The following COLQ variants were observed in gnomAD, a reference collection of about 807,000 sequenced individuals.
The protein encoded by COLQ is collagen like tail subunit of asymmetric acetylcholinesterase.
A neutral mutation model predicts 69.0 loss-of-function variants in COLQ; 48 were observed. The observed-to-expected ratio is 0.70, with a 90% CI of 0.55 to 0.88. COLQ has a LOEUF of 0.88. Ranked by LOEUF, COLQ falls within the 40% of genes least tolerant of loss-of-function variation. The probability of loss-of-function intolerance (pLI) is 0.00; values close to 1 mark genes in which losing one functional copy is unlikely to be tolerated. For missense variants in COLQ, 618 were observed against 594.6 expected, an observed-to-expected ratio of 1.04 and a Z score of -0.41; for synonymous variants, 217 against 211.2, an observed-to-expected ratio of 1.03 and a Z score of -0.24.
chr3:15,519,446 T>G (rs1327840930), intron 1 of COLQ, among the ~76,000 whole-genome samples: 1 of 152,232 alleles, frequency 6.6e-6, no homozygotes, highest in Non-Finnish European at 1.5e-5. Flanking sequence ...CCATGACCAA[T>G]GCTCTTGCTT....
At chr3:15,493,009 C>T (rs952464636) in intron 1 of COLQ, among the ~76,000 whole-genome samples, 2 of 152,202 alleles carry the variant, frequency 1.3e-5, no homozygotes, top group Non-Finnish European at 1.5e-5. Flanking sequence ...TACAAGTTAA[C>T]GAGGGACTGA....
intron 12 of COLQ, among the ~76,000 whole-genome samples, chr3:15,464,148 G>A (rs1013758044): frequency 5.9e-5 from 9 of 152,180 alleles, no homozygotes; most frequent in Non-Finnish European, 1.3e-4. Context: ...AGGGGTCAGG[G>A]ATGGAAGAGG....
chr3:15,486,394 G>A (rs2062575356), intron 3 of COLQ, among the ~76,000 whole-genome samples: 1 of 152,188 alleles, frequency 6.6e-6, no homozygotes, highest in Non-Finnish European at 1.5e-5. Flanking sequence ...CTCACTTTGA[G>A]TAGGGACAGC....
chr3:15,480,505 A>G (rs978368627), intron 3 of COLQ, among the ~76,000 whole-genome samples: 4 of 152,230 alleles, frequency 2.6e-5, no homozygotes, highest in Non-Finnish European at 4.4e-5. Flanking sequence ...TACAAAGGAC[A>G]TAAACTCATC....
chr3:15,501,561 G>C (rs2062831316), intron 1 of COLQ, among the ~76,000 whole-genome samples: 1 of 152,226 alleles, frequency 6.6e-6, no homozygotes, highest in South Asian at 2.1e-4. Context: ...TAGGTAGGAA[G>C]ACCTGAGTTC....
chr3:15,520,812 C>G (rs1298136592), intron 1 of COLQ, among the ~76,000 whole-genome samples: 2 of 152,210 alleles, frequency 1.3e-5, no homozygotes, highest in African/African-American at 4.8e-5. Flanking sequence ...CCAAATCTCC[C>G]AGCCTCATAC....
intron 1 of COLQ, among the ~76,000 whole-genome samples, chr3:15,493,652 T>TG (rs2062703933): frequency 6.6e-6 from 1 of 152,234 alleles, no homozygotes; most frequent in African/African-American, 2.4e-5. Flanking sequence ...TGACAGGTCA[T>TG]GGGGGCAGCT....
intron 11 of COLQ, among the ~76,000 whole-genome samples, chr3:15,466,706 C>T (rs149118785): frequency 7.7e-4 from 117 of 152,316 alleles, no homozygotes; most frequent in African/African-American, 2.6e-3. Flanking sequence ...CTACTCTAGG[C>T]CCTGGGCAGA....
intron 14 of COLQ, 148 bp from the exon 15 acceptor site, chr3:15,456,167 G>T (rs2062022307): frequency 1.6e-5 from 16 of 1,027,218 alleles, no homozygotes; most frequent in Non-Finnish European, 2.1e-5. Context: ...CTTTCCTGTT[G>T]CCCAGAGCTC....
chr3:15,465,955 A>C (rs2062193832), intron 12 of COLQ, among the ~76,000 whole-genome samples: 1 of 152,160 alleles, frequency 6.6e-6, no homozygotes, highest in African/African-American at 2.4e-5. Flanking sequence ...TAACACTGTA[A>C]ATTGGAAAAA....
chr3:15,451,739 A>G, intron 16 of COLQ, 26 bp from the exon 17 acceptor site: 1 of 1,599,118 alleles, frequency 6.3e-7, no homozygotes. Context: ...ACACGTTCTA[A>G]AAGGCCACCT....
At chr3:15,517,359 C>T (rs970050432) in intron 1 of COLQ, among the ~76,000 whole-genome samples, 2 of 152,192 alleles carry the variant, frequency 1.3e-5, no homozygotes, top group African/African-American at 4.8e-5. Flanking sequence ...CCTTTCTGAG[C>T]TGCCATTTCC....
intron 5 of COLQ, chr3:15,478,723 G>A: frequency 8.4e-6 from 5 of 594,314 alleles, no homozygotes; most frequent in Non-Finnish European, 1.5e-5. Context: ...TGAGAGGGGT[G>A]GAATTTGGCC....
At chr3:15,460,544 A>G (rs1450159114) in intron 12 of COLQ, among the ~76,000 whole-genome samples, 2 of 152,198 alleles carry the variant, frequency 1.3e-5, no homozygotes. Flanking sequence ...GGCAGGAAAT[A>G]AAATGACCCC....
At chr3:15,490,374 C>T (rs894655505) in intron 1 of COLQ, among the ~76,000 whole-genome samples, 2 of 151,646 alleles carry the variant, frequency 1.3e-5, no homozygotes, top group Admixed American at 1.3e-4. Context: ...ATCCTAGAAA[C>T]CAGCACCCAG....
Position 15,497,036 on chromosome 3 carries a change from C to CTTTT in COLQ, c.107-7403_107-7400dup, listed in dbSNP as rs371974104. ...CAAATCATCTCCAAAGTCCTTTTGC[C>CTTTT]TTTTTTTTTTTTTTTTTTTTTTTTT... On this transcript the variant is annotated intron_variant, in intron 1 of 16. Transcript: ENST00000383788. Among the ~76,000 whole-genome samples, 714 of 107,456 alleles carry CTTTT rather than the reference C, an allele frequency of 6.6e-3. 17 individuals are homozygous for CTTTT. Among genetic ancestry groups the CTTTT allele is most frequent in the African/African-American group, 0.024 (643 of 27,016 alleles). 70.5% of individuals were successfully genotyped at this position (107,456 alleles called of 152,430 possible).
chr3:15,503,880 G>A (rs1354264446), intron 1 of COLQ, among the ~76,000 whole-genome samples: 2 of 151,896 alleles, frequency 1.3e-5, no homozygotes, highest in East Asian at 3.9e-4. Context: ...AGAAGAAATG[G>A]CACCCAAAAG....
rs547285360 is a variant in COLQ, at chr3:15,479,415, T to C, written c.322-33A>G. ...ATCAAGATAAAAAGTGAAGAAAGTATATATCAGTCTGAAGCTGGATGGGTG... is the reference window on the plus strand; with the variant it reads ...ATCAAGATAAAAAGTGAAGAAAGTACATATCAGTCTGAAGCTGGATGGGTG... On this transcript the variant is annotated intron_variant, in intron 3 of 16. Coordinates refer to ENST00000383788, the MANE Select transcript of COLQ (RefSeq NM_005677.4). 20 of 1,609,464 alleles carry C rather than the reference T, an allele frequency of 1.2e-5. No individual in the cohort carries two copies. The South Asian group carries it at 1.9e-4, about 15-fold the overall frequency.
intron 12 of COLQ, among the ~76,000 whole-genome samples, chr3:15,461,403 C>T (rs781314452): frequency 6.6e-6 from 1 of 152,150 alleles, no homozygotes; most frequent in Non-Finnish European, 1.5e-5. Flanking sequence ...TTACCCCTGC[C>T]TGTTTTCTGC....
Sources: allele counts gnomAD v4.1 joint callset (sites outside exome capture counted in the v4.1 genomes callset), GRCh38; gene constraint gnomAD v4.1.1; transcripts MANE v1.5; gene names NCBI Gene and HGNC (gene_info 2026-07-23, HGNC 2026-07-21).